The following SPPL3 variants were observed in gnomAD, a reference collection of about 807,000 sequenced individuals.
SPPL3 encodes the protein signal peptide peptidase like 3.
A neutral mutation model predicts 42.4 loss-of-function variants in SPPL3; 5 were observed. That is an observed-to-expected ratio of 0.12 (90% CI 0.06 to 0.25). The LOEUF (loss-of-function observed/expected upper bound fraction) is 0.25, where lower values mean the gene tolerates loss of function less well. SPPL3 is among the 10% of genes least tolerant of loss of function. SPPL3 has a pLI of 1.00. For synonymous variants in SPPL3, 195 were observed against 181.8 expected, an observed-to-expected ratio of 1.07 and a Z score of -0.58; for missense variants, 235 against 489.0, an observed-to-expected ratio of 0.48 and a Z score of 4.90.
chr12:120,782,071 T>C (rs1869564543), intron 6 of SPPL3, among the ~76,000 whole-genome samples: 1 of 152,060 alleles, frequency 6.6e-6, no homozygotes, highest in African/African-American at 2.4e-5. Context: ...GATCTTGCTA[T>C]GTTGTCCAGA....
At chr12:120,892,019 C>T (rs754893286) in intron 1 of SPPL3, among the ~76,000 whole-genome samples, 5 of 152,242 alleles carry the variant, frequency 3.3e-5, no homozygotes, top group Non-Finnish European at 7.4e-5. Context: ...CAAATTTGGA[C>T]ATAACACTTG....
At chr12:120,786,245 G>C (rs1404246140) in intron 3 of SPPL3, among the ~76,000 whole-genome samples, 1 of 152,116 alleles carries the variant, frequency 6.6e-6, no homozygotes. Context: ...AATCCATTCA[G>C]CTTGGCCCAA....
At chr12:120,782,108 G>A (rs996715475) in intron 6 of SPPL3, among the ~76,000 whole-genome samples, 6 of 151,766 alleles carry the variant, frequency 4.0e-5, no homozygotes, top group Non-Finnish European at 5.9e-5. Flanking sequence ...GGTCTCAAGT[G>A]ATCCTCCTGC....
chr12:120,836,015 G>A (rs1395221377), intron 1 of SPPL3, among the ~76,000 whole-genome samples: 1 of 152,106 alleles, frequency 6.6e-6, no homozygotes, highest in Non-Finnish European at 1.5e-5. Flanking sequence ...ATTCAAATGA[G>A]TTCACATTTC....
At chr12:120,876,616 CAAA>C (rs71076676) in intron 1 of SPPL3, among the ~76,000 whole-genome samples, 2 of 51,218 alleles carry the variant, frequency 3.9e-5, no homozygotes, top group East Asian at 6.8e-4. Context: ...GACTCTGTCT[CAAA>C]AAAAAAAAAA....
chr12:120,768,850 TG>T, intron 7 of SPPL3, 102 bp downstream of exon 7: 1 of 978,408 alleles, frequency 1.0e-6, no homozygotes, highest in Non-Finnish European at 1.5e-6. Context: ...GATCAGCAGC[TG>T]GGCAAGCCCG....
At chr12:120,812,444 T>G (rs1307684546) in intron 1 of SPPL3, among the ~76,000 whole-genome samples, 1 of 152,124 alleles carries the variant, frequency 6.6e-6, no homozygotes, top group Non-Finnish European at 1.5e-5. Context: ...AGGAACAGAT[T>G]TTAAGCTAAG....
intron 2 of SPPL3, among the ~76,000 whole-genome samples, chr12:120,797,589 G>A (rs1286019948): frequency 6.6e-6 from 1 of 152,118 alleles, no homozygotes; most frequent in Non-Finnish European, 1.5e-5. Flanking sequence ...AGTGGCTCTA[G>A]GTAGTTCTTT....
chr12:120,879,652 C>T (rs1007958746), intron 1 of SPPL3, among the ~76,000 whole-genome samples: 2 of 152,066 alleles, frequency 1.3e-5, no homozygotes, highest in African/African-American at 4.8e-5. Flanking sequence ...TAAAGGTTCT[C>T]ATTATCACAG....
chr12:120,768,603 C>T (rs1319309634), intron 7 of SPPL3, 115 bp from the exon 8 acceptor site: 13 of 1,191,888 alleles, frequency 1.1e-5, no homozygotes, highest in Admixed American at 2.3e-5. Flanking sequence ...GCAATGCTTT[C>T]GTTGACTGTA....
At chr12:120,865,778 C>T (rs1348567390) in intron 1 of SPPL3, among the ~76,000 whole-genome samples, 2 of 152,200 alleles carry the variant, frequency 1.3e-5, no homozygotes, top group Non-Finnish European at 2.9e-5. Flanking sequence ...CCCCAGGCCA[C>T]AGACTGCCAC....
intron 4 of SPPL3, 49 bp from the exon 5 acceptor site, chr12:120,783,801 G>C (rs1487246322): frequency 6.5e-7 from 1 of 1,536,864 alleles, no homozygotes; most frequent in African/African-American, 1.4e-5. Flanking sequence ...AAGAAAAATG[G>C]CATGACTTAT....
intron 1 of SPPL3, among the ~76,000 whole-genome samples, chr12:120,816,539 G>C (rs929792106): frequency 2.0e-5 from 3 of 152,034 alleles, no homozygotes; most frequent in African/African-American, 7.2e-5. Flanking sequence ...TGGAGACAGG[G>C]TTTCACCTGT....
At chr12:120,789,804 G>A (rs1869850869) in intron 3 of SPPL3, among the ~76,000 whole-genome samples, 1 of 105,232 alleles carries the variant, frequency 9.5e-6, no homozygotes, top group Non-Finnish European at 1.7e-5. Context: ...CAGCCTGAAT[G>A]ACAGAGCAAG....
rs750512589 is a variant in SPPL3 at position 120,897,288 on chromosome 12, C to G, written c.23+6557G>C. ...TACACTCTCCAGCTTTCTTTACCCC[C>G]GAAGGCTTTATAAAAAACCTTGAGG... On this transcript the variant is annotated intron_variant, in intron 1 of 10. Coordinates refer to ENST00000353487, the MANE Select transcript of SPPL3 (RefSeq NM_139015.5). 2.6e-5 allele frequency among the ~76,000 whole-genome samples: 4 copies of G among 152,074 alleles called. No individual in the cohort carries two copies. The East Asian group carries it at 7.7e-4, about 29-fold the overall frequency.
rs557152860 is a variant in SPPL3 at position 120,796,720 on chromosome 12, C to G, written c.102-5163G>C. Among the ~76,000 whole-genome samples, 5 of 152,250 alleles carry G rather than the reference C, an allele frequency of 3.3e-5. 1 individual carries two copies. The highest frequency in any genetic ancestry group is 3.3e-4 in the Admixed American group (5 of 15,294). ...CAGTGCTCAGTCTAGGGTAATTATTCTCTATCATTGAGGCAAGATCTGAGT... is the reference window on the plus strand; with the variant it reads ...CAGTGCTCAGTCTAGGGTAATTATTGTCTATCATTGAGGCAAGATCTGAGT... On this transcript the variant is annotated intron_variant, in intron 2 of 10. Transcript: ENST00000353487.
chr12:120,872,060 C>T (rs1365512851), intron 1 of SPPL3, among the ~76,000 whole-genome samples: 2 of 152,136 alleles, frequency 1.3e-5, no homozygotes, highest in Non-Finnish European at 2.9e-5. Context: ...ATTTAGAGCA[C>T]TTCAGATTTC....
At chr12:120,775,752 G>C (rs1162550940) in intron 6 of SPPL3, among the ~76,000 whole-genome samples, 1 of 152,176 alleles carries the variant, frequency 6.6e-6, no homozygotes, top group African/African-American at 2.4e-5. Context: ...ACTGAGAGTA[G>C]ATAAAACAGC....
At chr12:120,846,135 A>G (rs1173989840) in intron 1 of SPPL3, among the ~76,000 whole-genome samples, 1 of 152,032 alleles carries the variant, frequency 6.6e-6, no homozygotes, top group Non-Finnish European at 1.5e-5. Flanking sequence ...GTCATTACTG[A>G]TATTTTTTTT....
Sources: allele counts gnomAD v4.1 joint callset (sites outside exome capture counted in the v4.1 genomes callset), GRCh38; gene constraint gnomAD v4.1.1; transcripts MANE v1.5; gene names NCBI Gene and HGNC (gene_info 2026-07-23, HGNC 2026-07-21).